WNT3: variants seen among roughly 807,000 people sequenced by gnomAD.
WNT3 encodes the protein proto-oncogene Wnt-3.
In WNT3, 7 loss-of-function variants were observed where a neutral mutation model predicts 34.2. That is an observed-to-expected ratio of 0.20 (90% confidence interval 0.12 to 0.38). The LOEUF (loss-of-function observed/expected upper bound fraction) is 0.38. WNT3 is among the 10% of genes least tolerant of loss of function. The pLI, the probability that WNT3 is intolerant of heterozygous loss-of-function variation, is 1.00. For synonymous variants in WNT3, 212 were observed against 211.5 expected (o/e 1.00, Z -0.02); for missense variants, 267 against 499.8 (o/e 0.53, Z 4.44).
chr17:46,802,740 G>A (rs934876542), intron 1 of WNT3, among the ~76,000 whole-genome samples: 5 of 152,198 alleles, frequency 3.3e-5, no homozygotes, highest in South Asian at 2.1e-4. Context: ...TCCGGATAGC[G>A]GAACACGTGG....
chr17:46,765,387 G>A (rs563498054), intron 4 of WNT3, among the ~76,000 whole-genome samples: 2 of 152,362 alleles, frequency 1.3e-5, no homozygotes, highest in South Asian at 2.1e-4. Context: ...TCTGGCACTT[G>A]TAAGGCACCA....
chr17:46,787,124 G>A (rs528086801), intron 1 of WNT3, among the ~76,000 whole-genome samples: 1 of 152,054 alleles, frequency 6.6e-6, no homozygotes, highest in African/African-American at 2.4e-5. Flanking sequence ...ATTTTTTGTA[G>A]AGATGAAGTC....
At chr17:46,791,372 T>C (rs2083984684) in intron 1 of WNT3, among the ~76,000 whole-genome samples, 1 of 152,072 alleles carries the variant, frequency 6.6e-6, no homozygotes, top group African/African-American at 2.4e-5. Context: ...CCTGGCTAAA[T>C]TTTTTTGTAT....
rs953301725 is a variant in WNT3, at chr17:46,762,773, G to A, written c.*1857C>T. 1.3e-5 allele frequency: 2 copies of A among 152,042 alleles called. No individual in the cohort carries two copies. Among genetic ancestry groups the A allele is most frequent in the African/African-American group, 2.4e-5 (1 of 41,406 alleles). The allele number at this position is 152,042 out of a possible 1,614,324, so 9.4% of individuals were successfully genotyped here. On this transcript the variant is annotated 3_prime_UTR_variant, in exon 5 of 5. Transcript: ENST00000225512. Reference sequence around the variant, plus strand: ...TTGGATACTATTACCTGACTACGGCGAGAATCATTACAATGCACTCATGTA... The same window carrying A: ...TTGGATACTATTACCTGACTACGGCAAGAATCATTACAATGCACTCATGTA...
chr17:46,818,582 G>C lies in WNT3; in HGVS notation c.16C>G (p.Leu6Val). 1.2e-6 allele frequency: 2 copies of C among 1,603,096 alleles called. No homozygotes were observed. The highest frequency in any genetic ancestry group is 2.3e-5 in the South Asian group (2 of 88,746). The change falls in exon 1 of 5, where the codon CTC becomes GTC. Residue 6 changes from leucine (L) to valine (V), a missense_variant. Around this residue, in one of 3 missense-constraint regions of WNT3, gnomAD observed 26 missense variants for 25.8 expected, o/e 1.01. Transcript: ENST00000225512. MEPHL[L>V]GLLLGLLLGG... is the part of the protein sequence containing the mutation. ...AGCAGGAGGCCGAGGAGCAGCCCGA[G>C]CAGGTGGGGCTCCATTAGAAGAGGC...
chr17:46,784,568 C>T (rs1388297541), intron 1 of WNT3, among the ~76,000 whole-genome samples: 1 of 152,156 alleles, frequency 6.6e-6, no homozygotes, highest in Non-Finnish European at 1.5e-5. Context: ...AGCCCAGCTT[C>T]AGGGCCTGAA....
At position 46,768,292 on chromosome 17, in the gene WNT3, C is replaced by A. The variant is rs537643955; in HGVS notation, c.*8+20G>T. On this transcript the variant is annotated intron_variant, in intron 4 of 4. Coordinates refer to ENST00000225512, the MANE Select transcript of WNT3 (RefSeq NM_030753.5). This position sits in a 1 kb window ranked among gnomAD's most constrained non-coding sequence, Gnocchi z 5.0. ...CTGCGCCCAGGCTCCCAGCCTCCCCCCTGCTTCCCGGAGCCCTACCTGGTG... is the reference window on the plus strand; with the variant it reads ...CTGCGCCCAGGCTCCCAGCCTCCCCACTGCTTCCCGGAGCCCTACCTGGTG... 3.5e-5 allele frequency: 56 copies of A among 1,612,716 alleles called. No homozygotes were observed. The East Asian group carries it at 1.0e-3, about 30-fold the overall frequency.
At chr17:46,779,090 C>CAT (rs2059436634) in intron 1 of WNT3, among the ~76,000 whole-genome samples, 1 of 148,218 alleles carries the variant, frequency 6.7e-6, no homozygotes, top group African/African-American at 2.6e-5. Context: ...CACACACACA[C>CAT]ACACACACAC....
At chr17:46,765,507 C>T (rs1023649822) in intron 4 of WNT3, among the ~76,000 whole-genome samples, 4 of 151,660 alleles carry the variant, frequency 2.6e-5, no homozygotes, top group Admixed American at 1.3e-4. Flanking sequence ...CTCTCCTCAC[C>T]GTGTGGAGGG....
chr17:46,794,308 TG>T (rs1232503565), intron 1 of WNT3, among the ~76,000 whole-genome samples: 3 of 152,156 alleles, frequency 2.0e-5, no homozygotes, highest in Non-Finnish European at 4.4e-5. Context: ...GAGGTCCTGC[TG>T]ATGAGCTTCA....
chr17:46,777,685 A>AT (rs770958127), intron 1 of WNT3, among the ~76,000 whole-genome samples: 1 of 152,104 alleles, frequency 6.6e-6, no homozygotes, highest in Non-Finnish European at 1.5e-5. Flanking sequence ...ATCTCACTGA[A>AT]TCCTCACAAC....
intron 2 of WNT3, 39 bp downstream of exon 2, chr17:46,773,629 C>CA: frequency 5.1e-5 from 26 of 513,062 alleles, no homozygotes; most frequent in South Asian, 8.7e-5. Flanking sequence ...TCCCTCCCCC[C>CA]ACCCAGCCCC....
chr17:46,818,486 C>T (rs1287460093), intron 1 of WNT3, 32 bp downstream of exon 1: 2 of 1,580,944 alleles, frequency 1.3e-6, no homozygotes, highest in Non-Finnish European at 1.7e-6. Flanking sequence ...GCGGAGAAAC[C>T]GGGCCGCGGG....
chr17:46,769,522 G>T (rs1354122608), intron 3 of WNT3, among the ~76,000 whole-genome samples: 1 of 152,154 alleles, frequency 6.6e-6, no homozygotes, highest in Non-Finnish European at 1.5e-5. Flanking sequence ...TGGGTGGTGG[G>T]TGGCACCTGA....
chr17:46,811,107 CAGGCCAGGCTGCAA>C (rs2084268592), intron 1 of WNT3, among the ~76,000 whole-genome samples: 1 of 152,152 alleles, frequency 6.6e-6, no homozygotes, highest in African/African-American at 2.4e-5. Flanking sequence ...CCCGGCTGTA[CAGGCCAGGCTGCAA>C]ACAGATAAAT....
intron 1 of WNT3, among the ~76,000 whole-genome samples, chr17:46,798,551 T>C (rs2084083059): frequency 6.6e-6 from 1 of 152,186 alleles, no homozygotes; most frequent in Non-Finnish European, 1.5e-5. Flanking sequence ...GAATTCCTTC[T>C]CAGAGTTTAG....
chr17:46,765,569 C>CT (rs536341770), intron 4 of WNT3, among the ~76,000 whole-genome samples: 32 of 152,258 alleles, frequency 2.1e-4, no homozygotes, highest in Non-Finnish European at 4.3e-4. Context: ...ACTGCCAAGA[C>CT]TGTCAGGGAA....
chr17:46,815,417 G>A (rs1019144199), intron 1 of WNT3, among the ~76,000 whole-genome samples: 2 of 152,154 alleles, frequency 1.3e-5, no homozygotes, highest in Non-Finnish European at 2.9e-5. Context: ...GAGGGTCCGC[G>A]TGGACAGAAA....
intron 4 of WNT3, among the ~76,000 whole-genome samples, chr17:46,767,582 A>G (rs965209349): frequency 2.0e-5 from 3 of 152,164 alleles, no homozygotes; most frequent in Non-Finnish European, 2.9e-5. Flanking sequence ...AGGCCCAGAA[A>G]AGTGAAAGAA....
Sources: gnomAD v4.1 joint callset for allele counts (sites outside exome capture counted in the v4.1 genomes callset) on GRCh38, gnomAD v4.1.1 for gene constraint, gnomAD v4.1.1 regional missense constraint, Gnocchi (gnomAD v3.1) non-coding constraint, MANE v1.5 for transcripts, NCBI Gene and HGNC (gene_info 2026-07-23, HGNC 2026-07-21) for gene names.